BLK: variants seen among roughly 807,000 people sequenced by gnomAD.
BLK encodes BLK proto-oncogene, Src family tyrosine kinase, also known as tyrosine-protein kinase Blk.
A neutral mutation model predicts 61.8 loss-of-function variants in BLK; 64 were observed. That is an observed-to-expected ratio of 1.03 (90% confidence interval 0.85 to 1.27). The LOEUF (loss-of-function observed/expected upper bound fraction) is 1.27. Among genes scored for constraint, BLK ranks in the 50% most tolerant of loss-of-function variants. The pLI is 0.00. For synonymous variants in BLK, 351 were observed against 272.0 expected (o/e 1.29, Z -2.86); for missense variants, 853 against 660.5 (o/e 1.29, Z -3.19).
chr8:11,548,072 G>A lies in BLK; in HGVS notation c.216G>A (p.Met72Ile). Residue 72 changes from methionine (M) to isoleucine (I), a missense_variant, in exon 4 of 13, where the codon ATG (methionine) becomes ATA (isoleucine). Transcript: ENST00000259089. ...TGGCTCTGTATGACTACACCGCTAT[G>A]AATGATCGGGACCTGCAGATGCTGA... ...FVVALYDYTA[M>I]NDRDLQMLKG... is the part of the protein sequence containing the mutation. 6 of 1,614,032 alleles carry A rather than the reference G, an allele frequency of 3.7e-6. No individual in the cohort carries two copies. Among genetic ancestry groups the A allele is most frequent in the Non-Finnish European group, 5.1e-6 (6 of 1,180,026 alleles).
chr8:11,529,470 G>C (rs765435283), intron 1 of BLK, among the ~76,000 whole-genome samples: 1 of 152,088 alleles, frequency 6.6e-6, no homozygotes, highest in African/African-American at 2.4e-5. Context: ...CTGGTTTCTT[G>C]ATCTGGGTGG....
chr8:11,524,904 A>C (rs1318763528), intron 1 of BLK, among the ~76,000 whole-genome samples: 1 of 133,830 alleles, frequency 7.5e-6, no homozygotes, highest in Non-Finnish European at 1.6e-5. Flanking sequence ...TAATGATCCC[A>C]TTTTGCTTTT....
chr8:11,559,017 GCTT>G (rs1801359154), intron 10 of BLK: 1 of 456,166 alleles, frequency 2.2e-6, no homozygotes, highest in African/African-American at 2.0e-5. Context: ...CTGGTAACCG[GCTT>G]CAAACCCCAG....
intron 1 of BLK, among the ~76,000 whole-genome samples, chr8:11,528,530 C>G (rs373797890): frequency 3.9e-5 from 6 of 152,096 alleles, no homozygotes; most frequent in African/African-American, 1.2e-4. Flanking sequence ...CAGCACCCCT[C>G]AATCCTGAGG....
At chr8:11,507,823 G>A (rs1230773224) in intron 1 of BLK, among the ~76,000 whole-genome samples, 5 of 152,166 alleles carry the variant, frequency 3.3e-5, no homozygotes, top group African/African-American at 1.2e-4. Flanking sequence ...GTCACCCCAT[G>A]GCAAGCTAGT....
chr8:11,495,729 T>G (rs1198924135), intron 1 of BLK, among the ~76,000 whole-genome samples: 1 of 152,208 alleles, frequency 6.6e-6, no homozygotes, highest in African/African-American at 2.4e-5. Context: ...GCATCCTGTA[T>G]TGGATCCTAA....
intron 3 of BLK, among the ~76,000 whole-genome samples, chr8:11,547,019 A>G (rs2117474448): frequency 6.6e-6 from 1 of 152,302 alleles, no homozygotes. Flanking sequence ...CCTCCTCATC[A>G]TCCATGTCCA....
rs1021728196 is a variant in BLK at position 11,547,972 on chromosome 8, C to A, written c.176-60C>A. 1.3e-5 allele frequency: 19 copies of A among 1,460,054 alleles called. No individual in the cohort carries two copies. The Middle Eastern group carries it at 7.1e-4, about 54-fold the overall frequency. The allele number at this position is 1,460,054 out of a possible 1,614,324, so 90.4% of individuals were successfully genotyped here. ...TCCTCCTTGGTAGCCAGGCTCACCCCAGCCCCACCTTCCCGCTTGTGGGCC... is the reference window on the plus strand; with the variant it reads ...TCCTCCTTGGTAGCCAGGCTCACCCAAGCCCCACCTTCCCGCTTGTGGGCC... On this transcript the variant is annotated intron_variant, in intron 3 of 12. Coordinates refer to ENST00000259089, the MANE Select transcript of BLK (RefSeq NM_001715.3).
intron 8 of BLK, chr8:11,555,873 A>G (rs1585412677): frequency 8.8e-6 from 3 of 341,308 alleles, no homozygotes; most frequent in Non-Finnish European, 1.7e-5. Context: ...CTGAGTGCAC[A>G]CCGAGGGCAG....
intron 1 of BLK, among the ~76,000 whole-genome samples, chr8:11,510,806 TA>T (rs1798971309): frequency 6.9e-6 from 1 of 144,614 alleles, no homozygotes; most frequent in African/African-American, 2.4e-5. Flanking sequence ...AATAAATAAA[TA>T]AATAAATAAA....
intron 1 of BLK, among the ~76,000 whole-genome samples, chr8:11,516,804 A>G (rs1370629489): frequency 6.6e-6 from 1 of 152,206 alleles, no homozygotes; most frequent in African/African-American, 2.4e-5. Flanking sequence ...CATATAGCCC[A>G]CACTGGGCTT....
rs368866597 is a variant in BLK, at chr8:11,528,955, C to T, written c.-1-14269C>T. Among the ~76,000 whole-genome samples, 8 of 152,012 alleles carry T rather than the reference C, an allele frequency of 5.3e-5. No individual in the cohort carries two copies. The East Asian group carries it at 1.2e-3, about 22-fold the overall frequency. On this transcript the variant is annotated intron_variant, in intron 1 of 12. Transcript: ENST00000259089. ...ACACACACTGGGGCCTATTGGGGAG[C>T]GGGAAGGAGAGCATCAGGAAAAATA... is the stretch of plus-strand genomic sequence containing the variant.
At chr8:11,498,461 T>C (rs1798436525) in intron 1 of BLK, among the ~76,000 whole-genome samples, 1 of 152,186 alleles carries the variant, frequency 6.6e-6, no homozygotes, top group South Asian at 2.1e-4. Flanking sequence ...CCCCAAAATA[T>C]TTGGAATCAC....
At chr8:11,534,735 A>C (rs1800040859) in intron 1 of BLK, among the ~76,000 whole-genome samples, 2 of 152,224 alleles carry the variant, frequency 1.3e-5, no homozygotes, top group African/African-American at 4.8e-5. Context: ...TAAAAGTCAC[A>C]GGTTGGCATT....
chr8:11,546,134 C>A (rs2244938), intron 3 of BLK, 31 bp downstream of exon 3: 2 of 1,612,498 alleles, frequency 1.2e-6, no homozygotes, highest in Admixed American at 3.3e-5. Context: ...AGCTGAGGCT[C>A]CACAGCCCTC....
chr8:11,557,822 C>T (rs113702193), intron 9 of BLK, 140 bp from the exon 10 acceptor site: 4 of 722,392 alleles, frequency 5.5e-6, no homozygotes, highest in African/African-American at 1.7e-5. Context: ...TAGGTAGATC[C>T]TTCCTGATGC....
chr8:11,553,922 C>G (rs1383407207), intron 6 of BLK, among the ~76,000 whole-genome samples: 1 of 152,144 alleles, frequency 6.6e-6, no homozygotes, highest in Non-Finnish European at 1.5e-5. Context: ...GGGTCCGTGC[C>G]TGACCCCTGG....
intron 1 of BLK, among the ~76,000 whole-genome samples, chr8:11,510,926 C>A (rs993444313): frequency 1.3e-5 from 2 of 152,122 alleles, no homozygotes; most frequent in African/African-American, 4.8e-5. Context: ...TGATTATGGC[C>A]GTCCGTGGTT....
At chr8:11,548,218 C>A in intron 4 of BLK, 93 bp downstream of exon 4, 2 of 1,136,274 alleles carry the variant, frequency 1.8e-6, no homozygotes, top group East Asian at 2.4e-5. Context: ...ATGGCTGACC[C>A]TGGAAGTCTT....
Sources: gnomAD v4.1 joint callset for allele counts (sites outside exome capture counted in the v4.1 genomes callset) on GRCh38, gnomAD v4.1.1 for gene constraint, MANE v1.5 for transcripts, NCBI Gene and HGNC (gene_info 2026-07-23, HGNC 2026-07-21) for gene names.